Variants in RYR3 observed in about 807,000 individuals in gnomAD.
RYR3 encodes ryanodine receptor 3.
RYR3 carries 207 observed loss-of-function variants against 584.3 expected under a neutral mutation model. That is an observed-to-expected ratio of 0.35 (90% CI 0.32 to 0.40). RYR3 has a LOEUF of 0.40. Ranked by LOEUF, RYR3 falls within the 10% of genes least tolerant of loss-of-function variation. RYR3 has a pLI of 1.00. For synonymous variants in RYR3, 2,416 were observed against 2,248.5 expected, an observed-to-expected ratio of 1.07 and a Z score of -2.11; for missense variants, 5,616 against 6,089.2, an observed-to-expected ratio of 0.92 and a Z score of 2.59.
intron 67 of RYR3, among the ~76,000 whole-genome samples, chr15:33,798,507 A>G (rs565446003): frequency 6.6e-6 from 1 of 152,348 alleles, no homozygotes; most frequent in East Asian, 1.9e-4. Flanking sequence ...GGAAGTAGGA[A>G]ATCAGCAGGA....
chr15:33,601,430 C>G lies in RYR3; in HGVS notation c.1800C>G (p.Ile600Met). The G allele has an allele frequency of 1.2e-6, 2 of 1,612,590 alleles. No individual in the cohort carries two copies. The highest frequency in any genetic ancestry group is 1.7e-6 in the Non-Finnish European group (2 of 1,179,410). ...GTGTCCTGCTGCAGGTTCTGGATAT[C>G]CTGTGCTCCCTCTGTCTCTGCAATG... ...KHGRNHKVLDILCSLCLCNGV... is the reference protein window; with the variant it reads ...KHGRNHKVLDMLCSLCLCNGV... The change falls in exon 17 of 104, where the codon ATC becomes ATG. Residue 600 changes from isoleucine (I) to methionine (M), a missense_variant. Coordinates refer to ENST00000634891, the MANE Select transcript of RYR3 (RefSeq NM_001036.6).
chr15:33,833,153 C>T (rs1047815010), intron 86 of RYR3, among the ~76,000 whole-genome samples: 7 of 152,102 alleles, frequency 4.6e-5, no homozygotes, highest in Admixed American at 1.3e-4. Context: ...GAAATAATGT[C>T]GGCAATTATA....
At chr15:33,499,946 A>G (rs924751506) in intron 2 of RYR3, among the ~76,000 whole-genome samples, 13 of 152,218 alleles carry the variant, frequency 8.5e-5, no homozygotes, top group Non-Finnish European at 1.5e-4. Context: ...CACGGGGAGA[A>G]GAAAGACGTG....
intron 64 of RYR3, among the ~76,000 whole-genome samples, chr15:33,779,310 T>G (rs1265099121): frequency 6.6e-6 from 1 of 152,122 alleles, no homozygotes; most frequent in African/African-American, 2.4e-5. Context: ...CTTTTGTTTT[T>G]GTTTGTTTGC....
At chr15:33,591,927 G>A (rs2059149364) in intron 16 of RYR3, among the ~76,000 whole-genome samples, 1 of 152,210 alleles carries the variant, frequency 6.6e-6, no homozygotes, top group African/African-American at 2.4e-5. Context: ...GATGAAAGCT[G>A]TGACAAAAAT....
chr15:33,851,111 T>G (rs1449290399), intron 94 of RYR3: 2 of 152,192 alleles, frequency 1.3e-5, no homozygotes, highest in Admixed American at 6.5e-5. Flanking sequence ...CATTTTCCAT[T>G]ATGTATATTA....
At chr15:33,679,382 A>G (rs1183451931) in intron 38 of RYR3, among the ~76,000 whole-genome samples, 1 of 152,176 alleles carries the variant, frequency 6.6e-6, no homozygotes. Context: ...GAATTTTGAG[A>G]TTTTATTTCT....
chr15:33,701,090 C>A lies in RYR3; in HGVS notation c.6483+10C>A. ...ACCAGACCTCGAGAAGGTAACCGGC[C>A]CTTGGGGTGGCAGTGTGGTGTTCTC... is the stretch of plus-strand genomic sequence containing the variant. On this transcript the variant is annotated intron_variant, in intron 42 of 103. Transcript: ENST00000634891. 6.3e-7 allele frequency: 1 copy of A among 1,594,488 alleles called. No individual in the cohort carries two copies. The highest frequency in any genetic ancestry group is 8.6e-7 in the Non-Finnish European group (1 of 1,164,358).
intron 34 of RYR3, 32 bp from the exon 35 acceptor site, chr15:33,662,121 C>T (rs1198629427): frequency 2.6e-6 from 4 of 1,521,806 alleles, no homozygotes; most frequent in South Asian, 2.6e-5. Flanking sequence ...TCTTCTCCCC[C>T]TGGTGTGGCT....
At chr15:33,733,205 A>G (rs904651884) in intron 48 of RYR3, among the ~76,000 whole-genome samples, 2 of 152,220 alleles carry the variant, frequency 1.3e-5, no homozygotes, top group African/African-American at 2.4e-5. Context: ...ACAAAACTAA[A>G]TATACTCTTA....
At chr15:33,590,640 GT>G (rs71117154) in intron 16 of RYR3, among the ~76,000 whole-genome samples, 225 of 144,970 alleles carry the variant, frequency 1.6e-3, no homozygotes, top group Non-Finnish European at 2.1e-3. Context: ...TTTTCATAGG[GT>G]TTTTTTTTTT....
At chr15:33,578,067 C>T (rs1365662942) in intron 12 of RYR3, among the ~76,000 whole-genome samples, 1 of 152,230 alleles carries the variant, frequency 6.6e-6, no homozygotes, top group Non-Finnish European at 1.5e-5. Flanking sequence ...GACATACCAT[C>T]TCATGCTAAT....
chr15:33,705,423 G>A (rs1400968305), intron 42 of RYR3, among the ~76,000 whole-genome samples: 1 of 146,534 alleles, frequency 6.8e-6, no homozygotes, highest in African/African-American at 2.5e-5. Flanking sequence ...GCTAGGCCCT[G>A]GAGGTTAAAA....
At chr15:33,381,194 G>A (rs979669494) in intron 1 of RYR3, among the ~76,000 whole-genome samples, 6 of 152,096 alleles carry the variant, frequency 3.9e-5, no homozygotes, top group Admixed American at 6.6e-5. Context: ...TGTTTCCAAC[G>A]CCTTCCTGCT....
intron 11 of RYR3, among the ~76,000 whole-genome samples, chr15:33,563,913 T>G (rs2057553761): frequency 6.6e-6 from 1 of 152,144 alleles, no homozygotes; most frequent in Non-Finnish European, 1.5e-5. Flanking sequence ...GACCACATAA[T>G]CTGGCTTGTA....
chr15:33,838,499 A>G lies in RYR3; in HGVS notation c.12519A>G (p.Lys4173=), dbSNP rs1270381678. ...TCAGGAAGCAGTACAGGAACGTGAA[A>G]AAGATGACTGCGAAGGAGCTGGTGA... ...KNLRKQYRNV[K]KMTAKELVKV... is the part of the protein sequence containing the mutation. Residue 4173 remains lysine (K), a synonymous_variant, in exon 89 of 104, where the codon AAA becomes AAG. Coordinates refer to ENST00000634891, the MANE Select transcript of RYR3 (RefSeq NM_001036.6). 1 of 1,613,882 alleles carries G rather than the reference A, an allele frequency of 6.2e-7. No individual in the cohort carries two copies. Among genetic ancestry groups the G allele is most frequent in the African/African-American group, 1.3e-5 (1 of 74,926 alleles).
chr15:33,852,253 C>A (rs1480488187), intron 94 of RYR3: 3 of 152,164 alleles, frequency 2.0e-5, no homozygotes, highest in Non-Finnish European at 4.4e-5. Context: ...GGAACCCCCC[C>A]ACAGGAAGGA....
At chr15:33,796,482 C>G (rs910197704) in intron 67 of RYR3, among the ~76,000 whole-genome samples, 3 of 152,114 alleles carry the variant, frequency 2.0e-5, no homozygotes, top group African/African-American at 7.2e-5. Flanking sequence ...CCTTCTGCCA[C>G]CCCCCAGGAT....
At chr15:33,804,007 T>G (rs11072673) in intron 69 of RYR3, among the ~76,000 whole-genome samples, 62,609 of 152,046 alleles carry the variant, frequency 0.41, 13,550 homozygotes, top group East Asian at 0.62. Flanking sequence ...GGGTTTACAT[T>G]TGGACAAAGA....
Sources: allele counts gnomAD v4.1 joint callset (sites outside exome capture counted in the v4.1 genomes callset), GRCh38; gene constraint gnomAD v4.1.1; transcripts MANE v1.5; gene names NCBI Gene and HGNC (gene_info 2026-07-23, HGNC 2026-07-21).